PPP1R14C: variants seen among roughly 807,000 people sequenced by gnomAD.
PPP1R14C encodes protein phosphatase 1 regulatory inhibitor subunit 14C.
In PPP1R14C, 16 loss-of-function variants were observed where a neutral mutation model predicts 20.4. The observed-to-expected ratio is 0.78, with a 90% CI of 0.53 to 1.19. The LOEUF is 1.19. Ranked by LOEUF, PPP1R14C falls within the 50% of genes most tolerant of loss-of-function variation. The pLI is 0.00. For synonymous variants in PPP1R14C, 91 were observed against 91.0 expected (o/e 1.00, Z 0.00); for missense variants, 211 against 220.1 (o/e 0.96, Z 0.26).
chr6:150,242,755 A>T (rs1282650674), intron 3 of PPP1R14C, among the ~76,000 whole-genome samples: 1 of 152,232 alleles, frequency 6.6e-6, no homozygotes, highest in Admixed American at 6.5e-5. Context: ...AGGAAGAAGT[A>T]AAATTGTTTT....
At chr6:150,217,341 G>A (rs571776804) in intron 3 of PPP1R14C, among the ~76,000 whole-genome samples, 175 of 151,926 alleles carry the variant, frequency 1.2e-3, no homozygotes, top group African/African-American at 3.8e-3. Context: ...GATTACAGAC[G>A]TGCGTCACCA....
intron 3 of PPP1R14C, among the ~76,000 whole-genome samples, chr6:150,229,512 A>G (rs1300737056): frequency 6.6e-6 from 1 of 152,214 alleles, no homozygotes; most frequent in African/African-American, 2.4e-5. Context: ...GTTCTGCTGC[A>G]TACAAATAGA....
intron 1 of PPP1R14C, among the ~76,000 whole-genome samples, chr6:150,206,474 G>C (rs954280450): frequency 8.5e-5 from 13 of 152,172 alleles, no homozygotes; most frequent in African/African-American, 3.1e-4. Context: ...GATGTGCCTA[G>C]TTCTAGAATA....
At chr6:150,176,474 G>A (rs12211097) in intron 1 of PPP1R14C, among the ~76,000 whole-genome samples, 22,827 of 152,208 alleles carry the variant, frequency 0.15, 1,903 homozygotes, top group South Asian at 0.3. Context: ...AGAGGACAGA[G>A]AAGGAACATC....
intron 1 of PPP1R14C, among the ~76,000 whole-genome samples, chr6:150,207,957 G>A (rs542452820): frequency 5.4e-4 from 82 of 152,114 alleles, no homozygotes; most frequent in Non-Finnish European, 9.7e-4. Context: ...CCGTGTAATA[G>A]CATGGCAGAA....
intron 1 of PPP1R14C, among the ~76,000 whole-genome samples, chr6:150,156,024 C>CAAAAAAAAAA (rs67908012): frequency 4.7e-4 from 18 of 38,418 alleles, no homozygotes; most frequent in African/African-American, 1.4e-3. Flanking sequence ...GACTCTGTCT[C>CAAAAAAAAAA]AAAAAAAAAA....
chr6:150,147,206 G>A (rs1057121650), intron 1 of PPP1R14C, among the ~76,000 whole-genome samples: 1 of 147,820 alleles, frequency 6.8e-6, no homozygotes, highest in Non-Finnish European at 1.5e-5. Flanking sequence ...TTGAGATGAA[G>A]TCTTTCTCTG....
chr6:150,197,110 C>T lies in PPP1R14C; in HGVS notation c.307-17634C>T, dbSNP rs537221115. Among the ~76,000 whole-genome samples the T allele has an allele frequency of 3.9e-5, 6 of 152,308 alleles. No individual in the cohort carries two copies. In the East Asian group the frequency reaches 9.6e-4, roughly 24 times the overall value. ...CCTCTATAGATCCCGAGTTTGGGAA[C>T]TGGCTGGAGTCTCTGTTGAAGGACT... On this transcript the variant is annotated intron_variant, in intron 1 of 3. Transcript: ENST00000361131.
At chr6:150,153,479 G>C (rs1777273379) in intron 1 of PPP1R14C, among the ~76,000 whole-genome samples, 1 of 152,346 alleles carries the variant, frequency 6.6e-6, no homozygotes, top group African/African-American at 2.4e-5. Context: ...GCATGTCCAA[G>C]AATTTTGTTT....
intron 3 of PPP1R14C, among the ~76,000 whole-genome samples, chr6:150,243,174 C>CTT (rs574248701): frequency 0.026 from 3,314 of 129,254 alleles, 166 homozygotes; most frequent in African/African-American, 0.087. Flanking sequence ...TCTAAAATTC[C>CTT]TTTTTTTTTT....
At chr6:150,163,685 T>C (rs778963242) in intron 1 of PPP1R14C, among the ~76,000 whole-genome samples, 16 of 152,216 alleles carry the variant, frequency 1.1e-4, no homozygotes, top group Non-Finnish European at 1.8e-4. Flanking sequence ...TACACCCACA[T>C]TGTTGCATGT....
At chr6:150,149,447 TTTTTTTTC>T (rs1300464605) in intron 1 of PPP1R14C, among the ~76,000 whole-genome samples, 962 of 48,904 alleles carry the variant, frequency 0.02, 26 homozygotes, top group East Asian at 0.063. Flanking sequence ...CACCTAATTT[TTTTTTTTC>T]TTTTTTTTTT....
At chr6:150,222,309 G>T (rs1040365235) in intron 3 of PPP1R14C, among the ~76,000 whole-genome samples, 2 of 151,942 alleles carry the variant, frequency 1.3e-5, no homozygotes, top group African/African-American at 4.8e-5. Context: ...GCAGTTTTAG[G>T]TTCACAGTGA....
Position 150,201,163 on chromosome 6 carries a change from G to C in PPP1R14C, c.307-13581G>C, listed in dbSNP as rs1777873276. 6.6e-6 allele frequency among the ~76,000 whole-genome samples: 1 copy of C among 152,200 alleles called. No individual in the cohort carries two copies. Among genetic ancestry groups the C allele is most frequent in the Non-Finnish European group, 1.5e-5 (1 of 68,028 alleles). On this transcript the variant is annotated intron_variant, in intron 1 of 3. Transcript: ENST00000361131. This position sits in a 1 kb window ranked among gnomAD's most constrained non-coding sequence, Gnocchi z 4.2. Reference sequence around the variant, plus strand: ...AGAGATGATGATAATACTCACCTCAGGGAATTGTTTGTTATTTTATTTACA... The same window carrying C: ...AGAGATGATGATAATACTCACCTCACGGAATTGTTTGTTATTTTATTTACA...
chr6:150,225,847 T>TTCTGTATA lies in PPP1R14C; in HGVS notation c.423+8992_423+8999dup, dbSNP rs1203875269. On this transcript the variant is annotated intron_variant, in intron 3 of 3. Transcript: ENST00000361131. The stretch of plus-strand genomic sequence containing the variant: ...CCCTTAGTATGCTAGTTGAATCTTA[T>TTCTGTATA]TCTGTATAAAGTAATGCTTGCCTAT... Among the ~76,000 whole-genome samples, 13 of 152,362 alleles carry TTCTGTATA rather than the reference T, an allele frequency of 8.5e-5. No individual in the cohort carries two copies. The South Asian group carries it at 2.7e-3, about 32-fold the overall frequency.
intron 2 of PPP1R14C, 84 bp from the exon 3 acceptor site, chr6:150,216,740 A>G: frequency 2.3e-6 from 2 of 875,218 alleles, no homozygotes; most frequent in Non-Finnish European, 3.6e-6. Flanking sequence ...AATACTATGA[A>G]TATAAAATGA....
At chr6:150,205,886 A>G (rs1777943632) in intron 1 of PPP1R14C, among the ~76,000 whole-genome samples, 1 of 152,072 alleles carries the variant, frequency 6.6e-6, no homozygotes, top group African/African-American at 2.4e-5. Context: ...TTCCCAGCTT[A>G]TTTCTGTGGC....
At chr6:150,186,356 T>C (rs2114883298) in intron 1 of PPP1R14C, among the ~76,000 whole-genome samples, 1 of 152,262 alleles carries the variant, frequency 6.6e-6, no homozygotes, top group African/African-American at 2.4e-5. Context: ...AATTTAGAGC[T>C]GGGCCTCAGA....
At chr6:150,147,126 C>CTTTT (rs557703706) in intron 1 of PPP1R14C, among the ~76,000 whole-genome samples, 2 of 133,388 alleles carry the variant, frequency 1.5e-5, no homozygotes, top group African/African-American at 2.8e-5. Context: ...GTTTAAAGAC[C>CTTTT]TTTTTTTTTT....
Sources: gnomAD v4.1 joint callset for allele counts (sites outside exome capture counted in the v4.1 genomes callset) on GRCh38, gnomAD v4.1.1 for gene constraint, Gnocchi (gnomAD v3.1) non-coding constraint, MANE v1.5 for transcripts, NCBI Gene and HGNC (gene_info 2026-07-23, HGNC 2026-07-21) for gene names.